The following CGNL1 variants were observed in gnomAD, a reference collection of about 807,000 sequenced individuals.
The protein encoded by CGNL1 is cingulin like 1.
A neutral mutation model predicts 141.2 loss-of-function variants in CGNL1; 132 were observed. The ratio of observed to expected loss-of-function variants is 0.93; its 90% CI spans 0.81 to 1.08. The LOEUF (loss-of-function observed/expected upper bound fraction) is 1.08, where lower values mean the gene tolerates loss of function less well. Among genes scored for constraint, CGNL1 ranks in the 50% least tolerant of loss-of-function variants. The pLI, the probability that CGNL1 is intolerant of heterozygous loss-of-function variation, is 0.00. For missense variants in CGNL1, 1,870 were observed against 1,588.6 expected, an observed-to-expected ratio of 1.18 and a Z score of -3.01; for synonymous variants, 690 against 622.1, an observed-to-expected ratio of 1.11 and a Z score of -1.63.
At chr15:57,523,040 T>C (rs1455045220) in intron 10 of CGNL1, among the ~76,000 whole-genome samples, 2 of 152,234 alleles carry the variant, frequency 1.3e-5, no homozygotes, top group African/African-American at 4.8e-5. Context: ...TTAGTTATTC[T>C]AACTGTAAGA....
intron 17 of CGNL1, 55 bp from the exon 18 acceptor site, chr15:57,546,021 A>C: frequency 6.4e-7 from 1 of 1,569,780 alleles, no homozygotes; most frequent in Non-Finnish European, 8.7e-7. Flanking sequence ...GGGTAAGCTG[A>C]GCGCTGGGGC....
At chr15:57,391,975 C>CA (rs386383115) in intron 1 of CGNL1, among the ~76,000 whole-genome samples, 1 of 150,304 alleles carries the variant, frequency 6.7e-6, no homozygotes, top group Non-Finnish European at 1.5e-5. Flanking sequence ...TTTTTCTTTC[C>CA]CCCCCCTCAC....
At chr15:57,541,322 G>A (rs1238762039) in intron 14 of CGNL1, among the ~76,000 whole-genome samples, 1 of 152,258 alleles carries the variant, frequency 6.6e-6, no homozygotes, top group Non-Finnish European at 1.5e-5. Context: ...CCCCTGGGAG[G>A]CACGTCTGTC....
At chr15:57,456,457 C>G (rs1437830643) in intron 7 of CGNL1, among the ~76,000 whole-genome samples, 2 of 150,170 alleles carry the variant, frequency 1.3e-5, no homozygotes, top group African/African-American at 4.9e-5. Flanking sequence ...AGCAGCCATT[C>G]TTTTGTTTCT....
intron 12 of CGNL1, 71 bp downstream of exon 12, chr15:57,524,822 TG>T (rs2031512254): frequency 6.8e-7 from 1 of 1,476,076 alleles, no homozygotes; most frequent in Admixed American, 1.9e-5. Flanking sequence ...AAGTCTTCTG[TG>T]AGGGACTTGG....
rs779868212 is a variant in CGNL1, at chr15:57,543,687, T to C, written c.3292-9T>C. On this transcript the variant is annotated splice_polypyrimidine_tract_variant and intron_variant, in intron 14 of 18. Coordinates refer to ENST00000281282, the MANE Select transcript of CGNL1 (RefSeq NM_032866.5). Reference sequence around the variant, plus strand: ...TCTAACCTCTGGGCTTTTGTTCTGCTTGCTGTAGATGGAGCAGTTGAGGAA... The same window carrying C: ...TCTAACCTCTGGGCTTTTGTTCTGCCTGCTGTAGATGGAGCAGTTGAGGAA... 2.4e-5 allele frequency: 39 copies of C among 1,611,492 alleles called. No homozygotes were observed. The highest frequency in any genetic ancestry group is 3.1e-5 in the Non-Finnish European group (37 of 1,177,850).
chr15:57,421,941 G>A lies in CGNL1; in HGVS notation c.-15-16044G>A, dbSNP rs112482361. 9.9e-5 allele frequency among the ~76,000 whole-genome samples: 15 copies of A among 152,172 alleles called. 2 individuals carry two copies. The highest frequency in any genetic ancestry group is 4.2e-4 in the South Asian group (2 of 4,810). ...GGGATGCTGATTGTGAGTTTTTAAT[G>A]TCTCCCCTTTCGTTATTCAGTGTTC... On this transcript the variant is annotated intron_variant, in intron 1 of 18. Coordinates refer to ENST00000281282, the MANE Select transcript of CGNL1 (RefSeq NM_032866.5).
At chr15:57,517,161 A>T (rs534113752) in intron 9 of CGNL1, among the ~76,000 whole-genome samples, 175 bp downstream of exon 9, 2 of 152,316 alleles carry the variant, frequency 1.3e-5, no homozygotes, top group African/African-American at 4.8e-5. Context: ...GAGTGGCATG[A>T]CAGGGAGGCC....
At chr15:57,520,504 C>T (rs1293593515) in intron 10 of CGNL1, among the ~76,000 whole-genome samples, 1 of 152,310 alleles carries the variant, frequency 6.6e-6, no homozygotes, top group African/African-American at 2.4e-5. Context: ...TAAAAAGTAG[C>T]AGAGGGGCAT....
At chr15:57,414,647 C>G (rs1301679194) in intron 1 of CGNL1, among the ~76,000 whole-genome samples, 4 of 114,890 alleles carry the variant, frequency 3.5e-5, no homozygotes, top group Non-Finnish European at 7.3e-5. Context: ...GTTCCTCACA[C>G]TTTTTTAAAA....
intron 7 of CGNL1, among the ~76,000 whole-genome samples, chr15:57,454,695 C>A (rs1264825229): frequency 1.3e-5 from 2 of 152,068 alleles, no homozygotes; most frequent in African/African-American, 4.8e-5. Context: ...CCTATTCAGA[C>A]CTTTTCTCCT....
chr15:57,536,101 G>A (rs919156685), intron 14 of CGNL1, among the ~76,000 whole-genome samples: 1 of 152,216 alleles, frequency 6.6e-6, no homozygotes, highest in African/African-American at 2.4e-5. Flanking sequence ...AGGCAAAGGA[G>A]GAGCAAAGGC....
At chr15:57,462,051 A>G (rs1255351303) in intron 8 of CGNL1, among the ~76,000 whole-genome samples, 159 bp downstream of exon 8, 1 of 152,220 alleles carries the variant, frequency 6.6e-6, no homozygotes, top group Non-Finnish European at 1.5e-5. Context: ...AATAAGCTCA[A>G]TGGTCCTGCT....
Position 57,461,752 on chromosome 15 carries a change from A to G in CGNL1, c.2263A>G (p.Lys755Glu). 3 of 1,614,178 alleles carry G rather than the reference A, an allele frequency of 1.9e-6. No individual in the cohort carries two copies. The highest frequency in any genetic ancestry group is 2.5e-6 in the Non-Finnish European group (3 of 1,180,020). The change falls in exon 8 of 19, where the codon AAG becomes GAG. Residue 755 changes from lysine (K) to glutamate (E), a missense_variant. By Grantham distance (56) the Lys-to-Glu change is moderately conservative. Coordinates refer to ENST00000281282, the MANE Select transcript of CGNL1 (RefSeq NM_032866.5). ...AKEEQEDLLR[K>E]RERELTALKG... is the part of the protein sequence containing the mutation. Reference sequence around the variant, plus strand: ...AGAGGAGCAAGAAGACCTCTTGAGAAAGCGAGAGCGTGAACTCACCGCCCT... The same window carrying G: ...AGAGGAGCAAGAAGACCTCTTGAGAGAGCGAGAGCGTGAACTCACCGCCCT...
intron 4 of CGNL1, among the ~76,000 whole-genome samples, chr15:57,447,427 T>C (rs2063267917): frequency 1.3e-5 from 2 of 152,236 alleles, no homozygotes; most frequent in Admixed American, 1.3e-4. Context: ...TTTTGCTTCA[T>C]GAATTTAAAG....
chr15:57,435,243 T>A (rs2063091778), intron 1 of CGNL1, among the ~76,000 whole-genome samples: 1 of 152,092 alleles, frequency 6.6e-6, no homozygotes, highest in Non-Finnish European at 1.5e-5. Context: ...ATAATGTAAA[T>A]AGTTGACTCT....
chr15:57,427,807 G>T (rs948735052), intron 1 of CGNL1, among the ~76,000 whole-genome samples: 3 of 152,150 alleles, frequency 2.0e-5, no homozygotes, highest in Admixed American at 2.0e-4. Context: ...ATAACCCCAG[G>T]GCCTAATTTC....
chr15:57,417,621 T>TTC (rs398027466), intron 1 of CGNL1, among the ~76,000 whole-genome samples: 3 of 151,516 alleles, frequency 2.0e-5, no homozygotes, highest in African/African-American at 7.3e-5. Context: ...TTTTTTTTTT[T>TTC]CCTTCTGGGG....
chr15:57,403,870 C>A (rs749410785), intron 1 of CGNL1, among the ~76,000 whole-genome samples: 2 of 151,948 alleles, frequency 1.3e-5, no homozygotes, highest in Non-Finnish European at 2.9e-5. Flanking sequence ...TTGCCCCTGC[C>A]TTTTAGAAGA....
Sources: allele counts gnomAD v4.1 joint callset (sites outside exome capture counted in the v4.1 genomes callset), GRCh38; gene constraint gnomAD v4.1.1; transcripts MANE v1.5; gene names NCBI Gene and HGNC (gene_info 2026-07-23, HGNC 2026-07-21).